The following CAMK2D variants were observed in gnomAD, a reference collection of about 807,000 sequenced individuals.
CAMK2D encodes calcium/calmodulin-dependent protein kinase type II subunit delta.
A neutral mutation model predicts 84.0 loss-of-function variants in CAMK2D; 37 were observed. The observed-to-expected ratio is 0.44, with a 90% CI of 0.34 to 0.58. CAMK2D has a LOEUF of 0.58. Among genes scored for constraint, CAMK2D ranks in the 20% least tolerant of loss-of-function variants. CAMK2D has a pLI of 0.02. For missense variants in CAMK2D, 448 were observed against 652.5 expected, an observed-to-expected ratio of 0.69 and a Z score of 3.41; for synonymous variants, 202 against 212.5, an observed-to-expected ratio of 0.95 and a Z score of 0.43.
intron 2 of CAMK2D, among the ~76,000 whole-genome samples, chr4:113,710,335 G>A (rs1425327298): frequency 6.6e-6 from 1 of 152,056 alleles, no homozygotes; most frequent in Non-Finnish European, 1.5e-5. Context: ...TATGCAAACT[G>A]TTTATTATGA....
chr4:113,509,272 G>A (rs1000369977), intron 13 of CAMK2D, among the ~76,000 whole-genome samples: 1 of 152,098 alleles, frequency 6.6e-6, no homozygotes, highest in Admixed American at 6.6e-5. Flanking sequence ...TGGCCTTCAC[G>A]TATGCAGCAT....
At chr4:113,531,063 G>A (rs569024294) in intron 8 of CAMK2D, among the ~76,000 whole-genome samples, 153 bp downstream of exon 8, 2 of 152,148 alleles carry the variant, frequency 1.3e-5, no homozygotes, top group African/African-American at 2.4e-5. Context: ...CAGCCTGGGC[G>A]ACAGAGCAAG....
intron 19 of CAMK2D, 117 bp downstream of exon 19, chr4:113,457,218 C>G: frequency 2.7e-6 from 4 of 1,460,898 alleles, no homozygotes; most frequent in Non-Finnish European, 3.6e-6. Context: ...TTATTTTCAT[C>G]AGTGTAACCA....
chr4:113,578,059 A>G (rs1349091827), intron 4 of CAMK2D, among the ~76,000 whole-genome samples: 1 of 152,178 alleles, frequency 6.6e-6, no homozygotes, highest in African/African-American at 2.4e-5. Context: ...TGTTTTTGTC[A>G]GAATACTTGA....
chr4:113,713,416 T>C (rs12644100), intron 2 of CAMK2D, among the ~76,000 whole-genome samples: 50,274 of 148,276 alleles, frequency 0.34, 10,074 homozygotes, highest in Admixed American at 0.49. Context: ...TTAATATTAT[T>C]ATATTATATA....
At chr4:113,494,561 T>C (rs531071886) in intron 16 of CAMK2D, among the ~76,000 whole-genome samples, 6 of 152,378 alleles carry the variant, frequency 3.9e-5, no homozygotes, top group Admixed American at 6.5e-5. Context: ...GACAGGGACA[T>C]TTAAGTCTGC....
At chr4:113,735,985 G>A (rs1425115043) in intron 2 of CAMK2D, among the ~76,000 whole-genome samples, 1 of 151,880 alleles carries the variant, frequency 6.6e-6, no homozygotes, top group African/African-American at 2.4e-5. Context: ...ACTTAAAAAG[G>A]TTCCACCATC....
intron 7 of CAMK2D, among the ~76,000 whole-genome samples, chr4:113,536,345 C>T (rs2098490331): frequency 6.6e-6 from 1 of 152,146 alleles, no homozygotes; most frequent in African/African-American, 2.4e-5. Flanking sequence ...CCTCCACTCC[C>T]AGTAACAGCT....
At position 113,659,808 on chromosome 4, in the gene CAMK2D, T is replaced by C. The variant is rs147344995; in HGVS notation, c.220+1905A>G. 1.5e-3 allele frequency among the ~76,000 whole-genome samples: 225 copies of C among 152,264 alleles called. 1 individual carries two copies. Among genetic ancestry groups the C allele is most frequent in the African/African-American group, 5.2e-3 (217 of 41,552 alleles). On this transcript the variant is annotated intron_variant, in intron 3 of 20. Transcript: ENST00000511664. ...AGTAAAATGCTTCTAGAGAGGTAGA[T>C]TTATATGTCAGAGTTGTTTTGTTCT...
chr4:113,662,560 T>C (rs1409499886), intron 2 of CAMK2D, among the ~76,000 whole-genome samples: 1 of 152,222 alleles, frequency 6.6e-6, no homozygotes, highest in Non-Finnish European at 1.5e-5. Context: ...GGTCATTAGT[T>C]GAAAACTTAT....
chr4:113,478,548 A>G (rs1357938255), intron 16 of CAMK2D, among the ~76,000 whole-genome samples: 1 of 151,858 alleles, frequency 6.6e-6, no homozygotes, highest in Non-Finnish European at 1.5e-5. Context: ...ATATGCTCAC[A>G]CTCTTCCTAC....
intron 2 of CAMK2D, among the ~76,000 whole-genome samples, chr4:113,724,114 T>A (rs781357206): frequency 2.6e-5 from 4 of 152,118 alleles, no homozygotes; most frequent in African/African-American, 4.8e-5. Flanking sequence ...TCATGTGAAC[T>A]GTTAATATTT....
intron 2 of CAMK2D, among the ~76,000 whole-genome samples, chr4:113,730,599 A>C (rs2099564558): frequency 1.3e-5 from 2 of 152,256 alleles, no homozygotes; most frequent in Admixed American, 1.3e-4. Flanking sequence ...CAAAGGAACC[A>C]AAATCATTTC....
At chr4:113,607,166 C>T (rs574384945) in intron 4 of CAMK2D, among the ~76,000 whole-genome samples, 1 of 151,878 alleles carries the variant, frequency 6.6e-6, no homozygotes, top group South Asian at 2.1e-4. Context: ...AAAGAAGGGA[C>T]TCAAACATTG....
chr4:113,632,514 C>T lies in CAMK2D; in HGVS notation c.221-23308G>A, dbSNP rs377259723. On this transcript the variant is annotated intron_variant, in intron 3 of 20. Transcript: ENST00000511664. ...CTTGGATTACAGGTGTGAGCCACCA[C>T]GCCCGGCCTGTGTGTGTGTATTATT... Among the ~76,000 whole-genome samples the T allele has an allele frequency of 6.1e-4, 93 of 151,928 alleles. No homozygotes were observed. In the East Asian group the frequency reaches 7.8e-3, roughly 13 times the overall value.
At chr4:113,709,362 G>A (rs2099479330) in intron 2 of CAMK2D, among the ~76,000 whole-genome samples, 1 of 151,598 alleles carries the variant, frequency 6.6e-6, no homozygotes, top group Non-Finnish European at 1.5e-5. Context: ...AATATTCACT[G>A]AATTATATCA....
rs72893920 is a variant in CAMK2D, at chr4:113,632,543, T to G, written c.221-23337A>C. ...CGGCCTGTGTGTGTGTATTATTTGA[T>G]TGTGCTATTGCACTCCAGCCTGGGT... On this transcript the variant is annotated intron_variant, in intron 3 of 20. Coordinates refer to ENST00000511664, the MANE Select transcript of CAMK2D (RefSeq NM_001321571.2). Among the ~76,000 whole-genome samples the G allele has an allele frequency of 8.8e-4, 133 of 151,788 alleles. 1 individual carries two copies. Among genetic ancestry groups the G allele is most frequent in the Middle Eastern group, 3.4e-3 (1 of 294 alleles).
At chr4:113,694,601 G>C (rs1409390138) in intron 2 of CAMK2D, among the ~76,000 whole-genome samples, 1 of 152,080 alleles carries the variant, frequency 6.6e-6, no homozygotes, top group African/African-American at 2.4e-5. Flanking sequence ...AAAACCTGTG[G>C]GGTATTGGAC....
intron 6 of CAMK2D, among the ~76,000 whole-genome samples, chr4:113,547,285 C>T (rs2098585675): frequency 6.6e-6 from 1 of 152,232 alleles, no homozygotes; most frequent in South Asian, 2.1e-4. Context: ...GGGTATATAT[C>T]ACATGAATAT....
Sources: allele counts gnomAD v4.1 joint callset (sites outside exome capture counted in the v4.1 genomes callset), GRCh38; gene constraint gnomAD v4.1.1; transcripts MANE v1.5; gene names NCBI Gene and HGNC (gene_info 2026-07-23, HGNC 2026-07-21).